The following EDEM3 variants were observed in gnomAD, a reference collection of about 807,000 sequenced individuals.
The protein encoded by EDEM3 is ER degradation-enhancing alpha-mannosidase-like protein 3.
Under a neutral mutation model 110.2 loss-of-function variants are expected in EDEM3, and 60 were observed. That is an observed-to-expected ratio of 0.54 (90% CI 0.44 to 0.67). The LOEUF is 0.67. EDEM3 is among the 30% of genes least tolerant of loss of function. The pLI, the probability that EDEM3 is intolerant of heterozygous loss-of-function variation, is 0.00. For missense variants in EDEM3, 996 were observed against 1,121.0 expected, an observed-to-expected ratio of 0.89 and a Z score of 1.59; for synonymous variants, 352 against 382.9, an observed-to-expected ratio of 0.92 and a Z score of 0.94.
chr1:184,733,027 T>C lies in EDEM3; in HGVS notation c.459-37A>G, dbSNP rs189064113. On this transcript the variant is annotated intron_variant, in intron 5 of 19. Coordinates refer to ENST00000318130, the MANE Select transcript of EDEM3 (RefSeq NM_025191.4). The stretch of plus-strand genomic sequence containing the variant: ...GAGATGAAACATTATCCATATCTTA[T>C]AGACAATTAAAAGTTACCATCTAAA... The C allele has an allele frequency of 1.8e-5, 29 of 1,584,494 alleles. 1 individual carries two copies. The South Asian group carries it at 2.1e-4, about 11-fold the overall frequency.
intron 13 of EDEM3, among the ~76,000 whole-genome samples, chr1:184,714,216 C>A (rs528931206): frequency 1.3e-5 from 2 of 152,204 alleles, no homozygotes; most frequent in South Asian, 4.1e-4. Flanking sequence ...GGTAAGATAA[C>A]TACAATATGA....
intron 2 of EDEM3, among the ~76,000 whole-genome samples, chr1:184,744,720 C>T (rs1206061602): frequency 2.0e-5 from 3 of 152,016 alleles, no homozygotes; most frequent in African/African-American, 7.2e-5. Context: ...TCAACTAATA[C>T]TACTGAGTAA....
intron 5 of EDEM3, 133 bp from the exon 6 acceptor site, chr1:184,733,123 C>G: frequency 1.2e-6 from 1 of 813,588 alleles, no homozygotes; most frequent in Non-Finnish European, 1.8e-6. Context: ...ACATTATTTA[C>G]TTAACACTGC....
Position 184,734,619 on chromosome 1 carries a change from CA to C in EDEM3, c.369del (p.Phe123LeufsTer5). 6.6e-7 allele frequency: 1 copy of C among 1,506,144 alleles called. No individual in the cohort carries two copies. Among genetic ancestry groups the C allele is most frequent in the South Asian group, 1.3e-5 (1 of 78,584 alleles). 93.3% of individuals were successfully genotyped at this position (1,506,144 alleles called of 1,614,324 possible). ...CTTAAAACTTTTCTCACTGCATCTT[CA>C]AATTCTTTAGTTTTATTTAAAACCT... ...TLVVLNKTKE[F>X]EDAVRKVLRD... On this transcript the variant is annotated frameshift_variant, in exon 5 of 20. Coordinates refer to ENST00000318130, the MANE Select transcript of EDEM3 (RefSeq NM_025191.4). LOFTEE classifies it high-confidence loss of function.
At chr1:184,712,331 T>C (rs931186255) in intron 14 of EDEM3, 102 bp downstream of exon 14, 17 of 1,040,236 alleles carry the variant, frequency 1.6e-5, no homozygotes, top group Middle Eastern at 6.2e-4. Flanking sequence ...ATTCTTACCA[T>C]ACATATATTT....
chr1:184,738,240 T>C (rs1048146051), intron 2 of EDEM3, among the ~76,000 whole-genome samples: 1 of 152,238 alleles, frequency 6.6e-6, no homozygotes, highest in South Asian at 2.1e-4. Flanking sequence ...CTATATATTT[T>C]AGTTAATTGT....
rs996823099 is a variant in EDEM3, at chr1:184,711,602, T to C, written c.1691+121A>G. ...TTTATTTTAACCAGTGATAGCTACA[T>C]ACCTCAACATTTTCGGCCTATGTGA... On this transcript the variant is annotated intron_variant, in intron 15 of 19. Coordinates refer to ENST00000318130, the MANE Select transcript of EDEM3 (RefSeq NM_025191.4). 5.3e-6 allele frequency: 4 copies of C among 756,788 alleles called. No homozygotes were observed. The African/African-American group carries it at 5.4e-5, about 10-fold the overall frequency. 46.9% of individuals were successfully genotyped at this position (756,788 alleles called of 1,614,324 possible).
rs58913815 is a variant in EDEM3 at position 184,704,649 on chromosome 1, CAAAAAAAAAAA to C, written c.2204-1664_2204-1654del. 0.01 allele frequency among the ~76,000 whole-genome samples: 313 copies of C among 29,918 alleles called. 5 individuals are homozygous for C. The East Asian group carries it at 0.14, about 14-fold the overall frequency. The allele number at this position is 29,918 out of a possible 152,430, so 19.6% of individuals were successfully genotyped here. A position where few individuals can be genotyped will look rare whatever the true frequency, so the allele number is the denominator to read the frequency against. On this transcript the variant is annotated intron_variant, in intron 18 of 19. Coordinates refer to ENST00000318130, the MANE Select transcript of EDEM3 (RefSeq NM_025191.4). The stretch of plus-strand genomic sequence containing the variant: ...TGGGTGACAAAGCAAGACTCTGTCT[CAAAAAAAAAAA>C]AAAAAAAAAAAAAAAAAAAATTTCT...
At position 184,694,228 on chromosome 1, in the gene EDEM3, A is replaced by C; in HGVS notation, c.2634T>G (p.Gly878=). 6.2e-7 allele frequency: 1 copy of C among 1,613,416 alleles called. No individual in the cohort carries two copies. Among genetic ancestry groups the C allele is most frequent in the Non-Finnish European group, 8.5e-7 (1 of 1,179,634 alleles). Residue 878 remains glycine, a synonymous_variant, in exon 20 of 20, where the codon GGT becomes GGG. Transcript: ENST00000318130. ...TENHETTNLN[G]ECTDLDNQLQ... Reference sequence around the variant, plus strand: ...GCTGGTTATCTAAATCTGTACATTCACCATTAAGATTTGTAGTCTCATGGT... The same window carrying C: ...GCTGGTTATCTAAATCTGTACATTCCCCATTAAGATTTGTAGTCTCATGGT...
At chr1:184,698,712 T>C (rs1416938040) in intron 19 of EDEM3, among the ~76,000 whole-genome samples, 1 of 151,800 alleles carries the variant, frequency 6.6e-6, no homozygotes, top group Non-Finnish European at 1.5e-5. Context: ...TACCAATAAC[T>C]ATTCTATGCA....
chr1:184,717,745 C>G, intron 11 of EDEM3, 122 bp from the exon 12 acceptor site: 1 of 577,610 alleles, frequency 1.7e-6, no homozygotes, highest in South Asian at 4.6e-5. Flanking sequence ...ACATTTTCAT[C>G]AATAAAACAT....
At chr1:184,722,384 G>A (rs1396340987) in intron 8 of EDEM3, among the ~76,000 whole-genome samples, 3 of 152,022 alleles carry the variant, frequency 2.0e-5, no homozygotes, top group African/African-American at 4.8e-5. Flanking sequence ...ATTCACAGAT[G>A]TAGGAAAATA....
chr1:184,742,026 TC>T (rs1222119071), intron 2 of EDEM3, among the ~76,000 whole-genome samples: 1 of 152,166 alleles, frequency 6.6e-6, no homozygotes, highest in Non-Finnish European at 1.5e-5. Flanking sequence ...GCAAAAAAAC[TC>T]CCAATTCCAT....
chr1:184,696,488 G>T (rs774117789), intron 19 of EDEM3, among the ~76,000 whole-genome samples: 1 of 151,740 alleles, frequency 6.6e-6, no homozygotes, highest in Non-Finnish European at 1.5e-5. Flanking sequence ...GGGGAGGAAA[G>T]GATCACCCCT....
intron 18 of EDEM3, among the ~76,000 whole-genome samples, chr1:184,706,237 T>C (rs752688020): frequency 4.6e-5 from 7 of 152,144 alleles, no homozygotes; most frequent in Admixed American, 1.3e-4. Flanking sequence ...TGTACTCTCA[T>C]GTGTCTGCCT....
chr1:184,722,968 A>G (rs541318171), intron 8 of EDEM3, among the ~76,000 whole-genome samples: 3 of 151,982 alleles, frequency 2.0e-5, no homozygotes, highest in Non-Finnish European at 4.4e-5. Flanking sequence ...TTATTTTAAT[A>G]ACAATATTCC....
chr1:184,736,943 T>C (rs1651858710), intron 4 of EDEM3, 82 bp downstream of exon 4: 3 of 1,160,228 alleles, frequency 2.6e-6, no homozygotes, highest in South Asian at 1.3e-5. Flanking sequence ...TTCTATTTCA[T>C]ACTTACTGTG....
At chr1:184,737,119 A>T in intron 3 of EDEM3, 55 bp from the exon 4 acceptor site, 3 of 1,439,052 alleles carry the variant, frequency 2.1e-6, no homozygotes, top group Non-Finnish European at 2.9e-6. Context: ...ATAGTTTATG[A>T]ATGTACAAGT....
intron 11 of EDEM3, 107 bp downstream of exon 11, chr1:184,719,055 G>A (rs1650718927): frequency 5.3e-6 from 3 of 560,846 alleles, no homozygotes; most frequent in Non-Finnish European, 8.9e-6. Flanking sequence ...AAGCCTTGAA[G>A]ATGACATTTT....
Sources: allele counts gnomAD v4.1 joint callset (sites outside exome capture counted in the v4.1 genomes callset), GRCh38; gene constraint gnomAD v4.1.1; transcripts MANE v1.5; gene names NCBI Gene and HGNC (gene_info 2026-07-23, HGNC 2026-07-21).